Variants in AP3B1 observed in about 807,000 individuals in gnomAD.
The protein encoded by AP3B1 is adaptor related protein complex 3 subunit beta 1.
A neutral mutation model predicts 132.5 loss-of-function variants in AP3B1; 61 were observed. That is an observed-to-expected ratio of 0.46 (90% CI 0.37 to 0.57). The LOEUF (loss-of-function observed/expected upper bound fraction) is 0.57. AP3B1 is among the 20% of genes least tolerant of loss of function. The pLI is 0.00. For missense variants in AP3B1, 1,120 were observed against 1,289.4 expected, an observed-to-expected ratio of 0.87 and a Z score of 2.01; for synonymous variants, 388 against 438.3, an observed-to-expected ratio of 0.89 and a Z score of 1.43.
At chr5:78,224,334 T>G (rs1370718287) in intron 6 of AP3B1, among the ~76,000 whole-genome samples, 1 of 151,924 alleles carries the variant, frequency 6.6e-6, no homozygotes, top group African/African-American at 2.4e-5. Context: ...ATAATCTCCA[T>G]GTATAAGACA....
At chr5:78,110,082 T>C in intron 20 of AP3B1, 125 bp downstream of exon 20, 1 of 829,778 alleles carries the variant, frequency 1.2e-6, no homozygotes, top group Non-Finnish European at 1.9e-6. Flanking sequence ...TCTGCAGAGT[T>C]GGGTTATAAG....
chr5:78,038,850 C>T (rs746192704), intron 23 of AP3B1, among the ~76,000 whole-genome samples, 193 bp downstream of exon 23: 2 of 151,934 alleles, frequency 1.3e-5, no homozygotes, highest in Non-Finnish European at 2.9e-5. Flanking sequence ...TCACTAAGAG[C>T]AAAGAAATGT....
chr5:78,261,048 T>C (rs1485320168), intron 2 of AP3B1, among the ~76,000 whole-genome samples: 2 of 152,382 alleles, frequency 1.3e-5, no homozygotes, highest in South Asian at 4.1e-4. Flanking sequence ...TATTGGCTTC[T>C]ATAAATAATG....
At chr5:78,169,257 T>C (rs572718945) in intron 11 of AP3B1, among the ~76,000 whole-genome samples, 1 of 152,130 alleles carries the variant, frequency 6.6e-6, no homozygotes, top group South Asian at 2.1e-4. Context: ...TGAATTATGT[T>C]TTTCACCTAC....
At position 78,115,473 on chromosome 5, in the gene AP3B1, GA is replaced by G. The variant is rs558392084; in HGVS notation, c.2077+652del. ...TTTTTCATTATGCAAATCACTCACA[GA>G]ATTTTAGCAATGAAGGGACTTTAAG... is the stretch of plus-strand genomic sequence containing the variant. On this transcript the variant is annotated intron_variant, in intron 18 of 26. Coordinates refer to ENST00000255194, the MANE Select transcript of AP3B1 (RefSeq NM_003664.5). Among the ~76,000 whole-genome samples, 1,254 of 152,268 alleles carry G rather than the reference GA, an allele frequency of 8.2e-3. 8 individuals are homozygous for G. Among genetic ancestry groups the G allele is most frequent in the South Asian group, 0.036 (172 of 4,824 alleles).
chr5:78,120,368 A>T (rs1752115019), intron 17 of AP3B1, among the ~76,000 whole-genome samples: 1 of 152,242 alleles, frequency 6.6e-6, no homozygotes, highest in African/African-American at 2.4e-5. Flanking sequence ...TAAATGGGCT[A>T]AATGCTCCAA....
At chr5:78,228,788 C>G (rs1746506097) in intron 3 of AP3B1, among the ~76,000 whole-genome samples, 1 of 152,200 alleles carries the variant, frequency 6.6e-6, no homozygotes. Flanking sequence ...AGCCCTAACT[C>G]TGATTTTTAT....
chr5:78,115,529 T>C (rs1024874114), intron 18 of AP3B1, among the ~76,000 whole-genome samples: 8 of 152,226 alleles, frequency 5.3e-5, no homozygotes, highest in Non-Finnish European at 1.2e-4. Flanking sequence ...TTCATTTATC[T>C]GATATAGAGA....
chr5:78,076,553 T>C (rs1297965420), intron 22 of AP3B1, among the ~76,000 whole-genome samples: 1 of 152,164 alleles, frequency 6.6e-6, no homozygotes, highest in African/African-American at 2.4e-5. Flanking sequence ...CTCAGATAGC[T>C]TATGCTAAGG....
chr5:78,040,468 C>T (rs1748029190), intron 22 of AP3B1, among the ~76,000 whole-genome samples: 2 of 152,136 alleles, frequency 1.3e-5, no homozygotes, highest in Non-Finnish European at 2.9e-5. Flanking sequence ...ATTTCCCCCT[C>T]CGAATATTTT....
At chr5:78,073,594 T>C (rs1291579438) in intron 22 of AP3B1, among the ~76,000 whole-genome samples, 1 of 152,112 alleles carries the variant, frequency 6.6e-6, no homozygotes, top group African/African-American at 2.4e-5. Flanking sequence ...AAGATAGAAT[T>C]TCAGAAACTC....
At chr5:78,101,466 G>T in intron 20 of AP3B1, 1 of 312,092 alleles carries the variant, frequency 3.2e-6, no homozygotes, top group South Asian at 3.0e-5. Flanking sequence ...TTCTGATATA[G>T]TTTGTGACAG....
chr5:78,159,695 T>C (rs1448723218), intron 13 of AP3B1, among the ~76,000 whole-genome samples: 3 of 152,224 alleles, frequency 2.0e-5, no homozygotes, highest in African/African-American at 7.2e-5. Flanking sequence ...GAAGTCTCTT[T>C]TTCCACGTAA....
intron 22 of AP3B1, among the ~76,000 whole-genome samples, chr5:78,087,075 C>G (rs1161961315): frequency 6.6e-6 from 1 of 152,152 alleles, no homozygotes; most frequent in Non-Finnish European, 1.5e-5. Context: ...CTAGTGTAGT[C>G]ATGGTCAAAC....
At chr5:78,075,930 C>G (rs1015840261) in intron 22 of AP3B1, among the ~76,000 whole-genome samples, 4 of 152,100 alleles carry the variant, frequency 2.6e-5, no homozygotes, top group African/African-American at 9.7e-5. Context: ...GCGAAGAGTA[C>G]GGACTATGAA....
chr5:78,134,397 T>C (rs954425621), intron 15 of AP3B1, among the ~76,000 whole-genome samples: 33 of 152,192 alleles, frequency 2.2e-4, no homozygotes, highest in Non-Finnish European at 4.6e-4. Flanking sequence ...TAAAGATTTA[T>C]ATTGGTTCTA....
At chr5:78,223,125 G>A (rs978707562) in intron 6 of AP3B1, among the ~76,000 whole-genome samples, 1 of 149,658 alleles carries the variant, frequency 6.7e-6, no homozygotes, top group Non-Finnish European at 1.5e-5. Flanking sequence ...CTCCCAAAGT[G>A]CTAGGATTAC....
intron 14 of AP3B1, 79 bp from the exon 15 acceptor site, chr5:78,141,398 T>G: frequency 8.6e-7 from 1 of 1,167,900 alleles, no homozygotes; most frequent in Non-Finnish European, 1.2e-6. Context: ...TTTTAACTAT[T>G]ACAAAAGTTT....
chr5:78,210,077 A>G (rs1745670732), intron 7 of AP3B1, among the ~76,000 whole-genome samples: 1 of 152,208 alleles, frequency 6.6e-6, no homozygotes, highest in Non-Finnish European at 1.5e-5. Flanking sequence ...TACTTAAAAC[A>G]GTGCACAAAA....
Sources: gnomAD v4.1 joint callset for allele counts (sites outside exome capture counted in the v4.1 genomes callset) on GRCh38, gnomAD v4.1.1 for gene constraint, MANE v1.5 for transcripts, NCBI Gene and HGNC (gene_info 2026-07-23, HGNC 2026-07-21) for gene names.